The following PCDHA8 variants were observed in gnomAD, a reference collection of about 807,000 sequenced individuals.
PCDHA8 encodes the protein protocadherin alpha 8, also known as protocadherin alpha-8.
PCDHA8 carries 53 observed loss-of-function variants against 61.8 expected under a neutral mutation model. That is an observed-to-expected ratio of 0.86 (90% CI 0.69 to 1.08). The LOEUF (loss-of-function observed/expected upper bound fraction) is 1.08. Ranked by LOEUF, PCDHA8 falls within the 50% of genes least tolerant of loss-of-function variation. PCDHA8 has a pLI of 0.00. For synonymous variants in PCDHA8, 618 were observed against 556.6 expected, an observed-to-expected ratio of 1.11 and a Z score of -1.55; for missense variants, 1,293 against 1,245.0, an observed-to-expected ratio of 1.04 and a Z score of -0.58.
At chr5:141,007,156 G>A (rs1289202250) in intron 3 of PCDHA8, among the ~76,000 whole-genome samples, 2 of 152,148 alleles carry the variant, frequency 1.3e-5, no homozygotes, top group Non-Finnish European at 1.5e-5. Context: ...AACTGTCAAA[G>A]AACAGTCAGA....
intron 1 of PCDHA8, among the ~76,000 whole-genome samples, chr5:140,949,698 T>G (rs188313112): frequency 6.6e-6 from 1 of 151,984 alleles, no homozygotes; most frequent in African/African-American, 2.4e-5. Flanking sequence ...TTGTTGGATC[T>G]TGCTGTTTTA....
chr5:140,876,514 C>A, intron 1 of PCDHA8: 1 of 1,614,026 alleles, frequency 6.2e-7, no homozygotes, highest in East Asian at 2.2e-5. Flanking sequence ...TGACAATGTC[C>A]CTGAAGTAAT....
chr5:140,891,345 G>T (rs2063056241), intron 1 of PCDHA8, among the ~76,000 whole-genome samples: 1 of 151,958 alleles, frequency 6.6e-6, no homozygotes, highest in Admixed American at 6.6e-5. Context: ...AGATTTTGGT[G>T]CATCCATCAC....
intron 1 of PCDHA8, chr5:140,851,223 A>C: frequency 8.7e-7 from 1 of 1,147,456 alleles, no homozygotes; most frequent in Admixed American, 4.0e-5. Flanking sequence ...TAACATCACT[A>C]TCATTTATTT....
chr5:140,954,996 A>G (rs879953600), intron 1 of PCDHA8, among the ~76,000 whole-genome samples: 16 of 152,214 alleles, frequency 1.1e-4, no homozygotes, highest in Non-Finnish European at 1.6e-4. Flanking sequence ...GCATATGGCT[A>G]GCCAATTCTC....
intron 1 of PCDHA8, among the ~76,000 whole-genome samples, chr5:140,942,139 A>G (rs1211983428): frequency 6.6e-6 from 1 of 152,248 alleles, no homozygotes; most frequent in African/African-American, 2.4e-5. Flanking sequence ...TTGTGGCTTT[A>G]CTTGACATAA....
At position 140,895,904 on chromosome 5, in the gene PCDHA8, C is replaced by A. The variant is rs956599707; in HGVS notation, c.2394+52189C>A. Among the ~76,000 whole-genome samples, 7 of 152,138 alleles carry A rather than the reference C, an allele frequency of 4.6e-5. No homozygotes were observed. In the South Asian group the frequency reaches 1.5e-3, roughly 32 times the overall value. On this transcript the variant is annotated intron_variant, in intron 1 of 3. Transcript: ENST00000531613. ...TCGGCTCACTGCAACCTCCGCGTCC[C>A]GGGCTCAACAATTATCCTGCCTCAG...
chr5:140,907,782 G>A (rs1285928394), intron 1 of PCDHA8, among the ~76,000 whole-genome samples: 1 of 152,158 alleles, frequency 6.6e-6, no homozygotes, highest in African/African-American at 2.4e-5. Flanking sequence ...AGGGGTGGCT[G>A]GGGAAAGAGG....
intron 1 of PCDHA8, chr5:140,927,490 C>T: frequency 3.1e-6 from 5 of 1,614,132 alleles, no homozygotes; most frequent in Non-Finnish European, 4.2e-6. Context: ...CGCCACCCAC[C>T]TGCTGGTGCT....
At position 140,843,705 on chromosome 5, in the gene PCDHA8, A is replaced by G. The variant is rs1779053094; in HGVS notation, c.2384A>G (p.His795Arg). The part of the protein sequence containing the change: ...VGEEQDLNVD[H>R]GLKPRQPNPD... ...GAAGAGCAAGATTTAAATGTTGATC[A>G]TGGCCTCAAAGTAAGTCCATTTAAA... Residue 795 changes from histidine (H) to arginine (R), a missense_variant, in exon 1 of 4, where the codon CAT becomes CGT. Transcript: ENST00000531613. 5.7e-6 allele frequency: 9 copies of G among 1,579,940 alleles called. No individual in the cohort carries two copies. The African/African-American group carries it at 6.7e-5, about 12-fold the overall frequency.
At chr5:140,976,929 A>G (rs1289479026) in intron 1 of PCDHA8, among the ~76,000 whole-genome samples, 2 of 152,234 alleles carry the variant, frequency 1.3e-5, no homozygotes, top group South Asian at 2.1e-4. Flanking sequence ...AGTACTGTGT[A>G]GCTACTTAAA....
At position 140,926,851 on chromosome 5, in the gene PCDHA8, T is replaced by C. The variant is rs201136210; in HGVS notation, c.2395-52098T>C. 6.6e-6 allele frequency: 10 copies of C among 1,517,220 alleles called. No individual in the cohort carries two copies. In the Admixed American group the frequency reaches 6.6e-5, roughly 10 times the overall value. The allele number at this position is 1,517,220 out of a possible 1,614,324, so 94.0% of individuals were successfully genotyped here. ...TCCGGAGCATGGTCCTGGGTCACCGTTGGTGTAGCGTGTTGGTGGAACGTG... is the reference window on the plus strand; with the variant it reads ...TCCGGAGCATGGTCCTGGGTCACCGCTGGTGTAGCGTGTTGGTGGAACGTG... On this transcript the variant is annotated intron_variant, in intron 1 of 3. Coordinates refer to ENST00000531613, the MANE Select transcript of PCDHA8 (RefSeq NM_018911.3).
chr5:140,850,687 A>C lies in PCDHA8; in HGVS notation c.2394+6972A>C, dbSNP rs1159294242. The C allele has an allele frequency of 1.3e-5, 21 of 1,597,676 alleles. 1 individual carries two copies. The highest frequency in any genetic ancestry group is 3.4e-5 in the Admixed American group (2 of 59,228). ...TGCTCGGCGATGCCCACCGAGGGCG[A>C]GTGCGCGCCTGGCAAGCCGACGCTG... On this transcript the variant is annotated intron_variant, in intron 1 of 3. Transcript: ENST00000531613.
chr5:140,883,362 C>T lies in PCDHA8; in HGVS notation c.2394+39647C>T, dbSNP rs1554177843. ...CTCCCCATCAGAGAAGACACTCAGC[C>T]TAGCGCCATTATTGCCCTAATCAGT... On this transcript the variant is annotated intron_variant, in intron 1 of 3. Transcript: ENST00000531613. The T allele has an allele frequency of 1.7e-5, 27 of 1,614,074 alleles. No homozygotes were observed. Among genetic ancestry groups the T allele is most frequent in the Non-Finnish European group, 2.3e-5 (27 of 1,180,046 alleles).
At chr5:140,843,985 C>T (rs1171962814) in intron 1 of PCDHA8, among the ~76,000 whole-genome samples, 4 of 149,436 alleles carry the variant, frequency 2.7e-5, no homozygotes, top group Non-Finnish European at 6.0e-5. Context: ...TGCCTTACAG[C>T]CGTCTTCTCT....
At chr5:140,899,204 C>T (rs1286752140) in intron 1 of PCDHA8, among the ~76,000 whole-genome samples, 2 of 151,972 alleles carry the variant, frequency 1.3e-5, no homozygotes, top group African/African-American at 4.8e-5. Context: ...CCTAATTGCC[C>T]TGGCCAGAAC....
intron 3 of PCDHA8, among the ~76,000 whole-genome samples, chr5:140,993,652 T>C (rs1174007185): frequency 6.6e-6 from 1 of 152,172 alleles, no homozygotes; most frequent in Admixed American, 6.5e-5. Flanking sequence ...AATGACACTT[T>C]GGTTAACAAT....
chr5:140,966,017 G>A (rs946123044), intron 1 of PCDHA8, among the ~76,000 whole-genome samples: 1 of 152,144 alleles, frequency 6.6e-6, no homozygotes, highest in Non-Finnish European at 1.5e-5. Flanking sequence ...GGGAAGATGT[G>A]GGAGTCAGGT....
At chr5:140,894,403 T>C (rs1442623931) in intron 1 of PCDHA8, among the ~76,000 whole-genome samples, 3 of 152,046 alleles carry the variant, frequency 2.0e-5, no homozygotes, top group Non-Finnish European at 4.4e-5. Context: ...TTCTTTGCTT[T>C]TCTTTTGTAG....
Sources: gnomAD v4.1 joint callset for allele counts (sites outside exome capture counted in the v4.1 genomes callset) on GRCh38, gnomAD v4.1.1 for gene constraint, MANE v1.5 for transcripts, NCBI Gene and HGNC (gene_info 2026-07-23, HGNC 2026-07-21) for gene names.